RIT2: variants seen among roughly 807,000 people sequenced by gnomAD.
RIT2 encodes GTP-binding protein Rit2.
A neutral mutation model predicts 23.7 loss-of-function variants in RIT2; 24 were observed. The observed-to-expected ratio is 1.01, with a 90% CI of 0.73 to 1.43. RIT2 has a LOEUF of 1.43. RIT2 is among the 40% of genes most tolerant of loss of function. The pLI is 0.00. For synonymous variants in RIT2, 107 were observed against 91.1 expected (o/e 1.17, Z -0.99); for missense variants, 236 against 266.9 (o/e 0.88, Z 0.81).
intron 2 of RIT2, among the ~76,000 whole-genome samples, chr18:43,029,019 G>A (rs1053709635): frequency 1.3e-5 from 2 of 152,064 alleles, no homozygotes; most frequent in African/African-American, 4.8e-5. Context: ...CAGCCATTGA[G>A]CACGAGGCTA....
chr18:43,064,111 A>G (rs975541759), intron 1 of RIT2, among the ~76,000 whole-genome samples: 3 of 152,216 alleles, frequency 2.0e-5, no homozygotes, highest in Non-Finnish European at 4.4e-5. Flanking sequence ...TGATAAAGTA[A>G]TAGATGGATG....
chr18:42,926,955 C>T (rs1008869680), intron 3 of RIT2, among the ~76,000 whole-genome samples: 1 of 151,822 alleles, frequency 6.6e-6, no homozygotes, highest in Non-Finnish European at 1.5e-5. Flanking sequence ...CTCTGTGCCT[C>T]AATTTCCCCC....
chr18:42,797,062 GAATT>G (rs1217102189), intron 4 of RIT2, among the ~76,000 whole-genome samples: 1 of 152,058 alleles, frequency 6.6e-6, no homozygotes, highest in African/African-American at 2.4e-5. Flanking sequence ...ATTATTAAGA[GAATT>G]AAATAAAATA....
intron 4 of RIT2, among the ~76,000 whole-genome samples, chr18:42,851,848 AAAAAT>A (rs1412279099): frequency 3.3e-5 from 5 of 152,142 alleles, no homozygotes; most frequent in Non-Finnish European, 7.4e-5. Context: ...CATAAAAATA[AAAAAT>A]AAAATAAAAT....
intron 1 of RIT2, among the ~76,000 whole-genome samples, chr18:43,066,733 G>A (rs1912778635): frequency 1.3e-5 from 2 of 152,066 alleles, no homozygotes; most frequent in South Asian, 2.1e-4. Context: ...GAGAAGACTG[G>A]TTAGGCTAAG....
At chr18:42,805,944 T>C (rs1425612390) in intron 4 of RIT2, among the ~76,000 whole-genome samples, 1 of 151,970 alleles carries the variant, frequency 6.6e-6, no homozygotes, top group Non-Finnish European at 1.5e-5. Flanking sequence ...CAGGTAAAAA[T>C]AGTGTTTTAC....
intron 4 of RIT2, among the ~76,000 whole-genome samples, chr18:42,873,785 A>C (rs1041106000): frequency 6.6e-6 from 1 of 152,182 alleles, no homozygotes; most frequent in African/African-American, 2.4e-5. Flanking sequence ...ATTTGTTTTC[A>C]GGAAGGAGGG....
At chr18:42,773,460 A>G (rs1913597668) in intron 4 of RIT2, among the ~76,000 whole-genome samples, 1 of 152,214 alleles carries the variant, frequency 6.6e-6, no homozygotes, top group South Asian at 2.1e-4. Context: ...GGTGTGGTCG[A>G]CTAGGTTTTT....
chr18:42,953,799 G>A (rs1158833454), intron 3 of RIT2, among the ~76,000 whole-genome samples: 1 of 152,148 alleles, frequency 6.6e-6, no homozygotes, highest in Non-Finnish European at 1.5e-5. Context: ...TTTAAACGAA[G>A]TGTGGGATTT....
At chr18:42,850,081 G>GTGTGTGTT (rs1907011918) in intron 4 of RIT2, among the ~76,000 whole-genome samples, 1 of 143,780 alleles carries the variant, frequency 7.0e-6, no homozygotes, top group East Asian at 1.9e-4. Context: ...ACACCCGTGT[G>GTGTGTGTT]TGTGTGTGTG....
At chr18:43,073,914 G>C (rs1039509125) in intron 1 of RIT2, among the ~76,000 whole-genome samples, 1 of 152,078 alleles carries the variant, frequency 6.6e-6, no homozygotes, top group Admixed American at 6.5e-5. Flanking sequence ...AGCATGGAAG[G>C]GTATTTGATA....
At chr18:43,043,720 G>A (rs763533711) in intron 1 of RIT2, among the ~76,000 whole-genome samples, 8 of 152,104 alleles carry the variant, frequency 5.3e-5, no homozygotes, top group Non-Finnish European at 1.0e-4. Context: ...AATCAGGGAG[G>A]TGGAGGTTGC....
At chr18:42,944,887 G>A (rs1909691641) in intron 3 of RIT2, among the ~76,000 whole-genome samples, 1 of 152,014 alleles carries the variant, frequency 6.6e-6, no homozygotes, top group Non-Finnish European at 1.5e-5. Flanking sequence ...AAGAGCCAAT[G>A]TCTTCAGTCA....
At chr18:42,747,312 T>C (rs1460789139) in intron 4 of RIT2, among the ~76,000 whole-genome samples, 1 of 151,596 alleles carries the variant, frequency 6.6e-6, no homozygotes. Flanking sequence ...GCTAAATAAA[T>C]AAATAAAATA....
chr18:43,101,443 G>T (rs1265892720), intron 1 of RIT2, among the ~76,000 whole-genome samples: 1 of 151,954 alleles, frequency 6.6e-6, no homozygotes, highest in Non-Finnish European at 1.5e-5. Flanking sequence ...TTAATACAAA[G>T]ACATAAAGGT....
At chr18:43,044,769 TGA>T in intron 1 of RIT2, among the ~76,000 whole-genome samples, 1 of 152,262 alleles carries the variant, frequency 6.6e-6, no homozygotes, top group Non-Finnish European at 1.5e-5. Flanking sequence ...AGCAGCTGGA[TGA>T]GAGCAGCACC....
At chr18:43,054,186 C>G (rs1381178018) in intron 1 of RIT2, among the ~76,000 whole-genome samples, 1 of 152,020 alleles carries the variant, frequency 6.6e-6, no homozygotes, top group African/African-American at 2.4e-5. Flanking sequence ...GATGTCAACG[C>G]TAGATTGTGC....
intron 4 of RIT2, among the ~76,000 whole-genome samples, chr18:42,809,029 T>C (rs538289555): frequency 3.9e-5 from 6 of 152,272 alleles, no homozygotes; most frequent in Non-Finnish European, 8.8e-5. Flanking sequence ...AAACTGGTCT[T>C]GTTTTCAAGG....
intron 2 of RIT2, among the ~76,000 whole-genome samples, chr18:43,032,933 G>A (rs993554250): frequency 2.0e-5 from 3 of 152,030 alleles, no homozygotes; most frequent in African/African-American, 2.4e-5. Context: ...TTACCCATGG[G>A]TGGGGTGAGG....
Sources: gnomAD v4.1 joint callset for allele counts (sites outside exome capture counted in the v4.1 genomes callset) on GRCh38, gnomAD v4.1.1 for gene constraint, MANE v1.5 for transcripts, NCBI Gene and HGNC (gene_info 2026-07-23, HGNC 2026-07-21) for gene names.